The following MPPED1 variants were observed in gnomAD, a reference collection of about 807,000 sequenced individuals.
The protein encoded by MPPED1 is metallophosphoesterase domain containing 1.
A neutral mutation model predicts 36.2 loss-of-function variants in MPPED1; 16 were observed. The ratio of observed to expected loss-of-function variants is 0.44; its 90% CI spans 0.30 to 0.67. MPPED1 has a LOEUF of 0.67. MPPED1 is among the 30% of genes least tolerant of loss of function. The probability of loss-of-function intolerance (pLI) is 0.10; values close to 1 mark genes in which losing one functional copy is unlikely to be tolerated. For synonymous variants in MPPED1, 199 were observed against 191.3 expected (o/e 1.04, Z -0.33); for missense variants, 307 against 453.4 (o/e 0.68, Z 2.93).
intron 3 of MPPED1, among the ~76,000 whole-genome samples, chr22:43,438,518 A>G (rs1930041293): frequency 6.6e-6 from 1 of 152,098 alleles, no homozygotes; most frequent in Middle Eastern, 3.4e-3. Context: ...AGGTTTTTGT[A>G]TGGGGATGAC....
chr22:43,479,061 G>C (rs184542860), intron 4 of MPPED1, among the ~76,000 whole-genome samples: 1 of 152,290 alleles, frequency 6.6e-6, no homozygotes, highest in Admixed American at 6.5e-5. Context: ...GGTGTCGAGT[G>C]GGGTGTGGGG....
At chr22:43,431,416 C>A (rs1929683407) in intron 2 of MPPED1, among the ~76,000 whole-genome samples, 1 of 152,148 alleles carries the variant, frequency 6.6e-6, no homozygotes, top group African/African-American at 2.4e-5. Context: ...GATCTTCACA[C>A]CGGTGGCCTC....
intron 4 of MPPED1, among the ~76,000 whole-genome samples, chr22:43,491,566 TGGA>T (rs1459038296): frequency 6.6e-6 from 1 of 150,716 alleles, no homozygotes; most frequent in Non-Finnish European, 1.5e-5. Flanking sequence ...GTGGTAGTGA[TGGA>T]GGTGGTGATG....
intron 4 of MPPED1, among the ~76,000 whole-genome samples, chr22:43,492,513 C>A (rs1166871363): frequency 1.3e-5 from 2 of 152,170 alleles, no homozygotes; most frequent in African/African-American, 4.8e-5. Context: ...AATTGGTGGG[C>A]ACTGCCTGTG....
At chr22:43,446,933 T>C (rs1446745606) in intron 3 of MPPED1, among the ~76,000 whole-genome samples, 1 of 152,132 alleles carries the variant, frequency 6.6e-6, no homozygotes, top group East Asian at 1.9e-4. Flanking sequence ...CCATGAACGA[T>C]GGAGACAGGA....
At chr22:43,431,922 G>A (rs1046941848) in intron 2 of MPPED1, among the ~76,000 whole-genome samples, 9 of 152,222 alleles carry the variant, frequency 5.9e-5, no homozygotes, top group Non-Finnish European at 1.0e-4. Context: ...TCGGGGTGCA[G>A]GGAAATATGA....
At chr22:43,443,932 G>C (rs1930239838) in intron 3 of MPPED1, among the ~76,000 whole-genome samples, 1 of 152,210 alleles carries the variant, frequency 6.6e-6, no homozygotes, top group African/African-American at 2.4e-5. Flanking sequence ...CACATGGCCA[G>C]TGTGATTGAT....
intron 4 of MPPED1, among the ~76,000 whole-genome samples, chr22:43,475,199 C>T (rs985624451): frequency 2.0e-5 from 3 of 152,138 alleles, no homozygotes; most frequent in Non-Finnish European, 4.4e-5. Flanking sequence ...CTATGCTGTA[C>T]TAGCTCACTT....
intron 3 of MPPED1, among the ~76,000 whole-genome samples, chr22:43,469,719 G>A (rs1011315585): frequency 3.9e-5 from 6 of 152,156 alleles, no homozygotes; most frequent in African/African-American, 1.4e-4. Context: ...GCCCTGCCAG[G>A]GACAGTTGGA....
At chr22:43,454,934 T>C (rs948527580) in intron 3 of MPPED1, among the ~76,000 whole-genome samples, 1 of 152,162 alleles carries the variant, frequency 6.6e-6, no homozygotes, top group Admixed American at 6.5e-5. Flanking sequence ...TCCCTGACCA[T>C]GTACCAGAGA....
intron 3 of MPPED1, among the ~76,000 whole-genome samples, chr22:43,471,560 G>T (rs1288586446): frequency 3.3e-5 from 5 of 152,204 alleles, no homozygotes; most frequent in Non-Finnish European, 7.3e-5. Context: ...GTGCTCTAGG[G>T]AAATGAGATC....
chr22:43,470,345 G>A (rs1161317240), intron 3 of MPPED1, among the ~76,000 whole-genome samples: 1 of 151,286 alleles, frequency 6.6e-6, no homozygotes, highest in East Asian at 2.0e-4. Flanking sequence ...ATCCATCCAT[G>A]TATGCATCTA....
chr22:43,453,230 A>G (rs564588675), intron 3 of MPPED1, among the ~76,000 whole-genome samples: 65 of 152,268 alleles, frequency 4.3e-4, no homozygotes, highest in African/African-American at 1.2e-3. Flanking sequence ...GATTACAGGC[A>G]TCAGCCACTG....
intron 3 of MPPED1, among the ~76,000 whole-genome samples, chr22:43,440,153 A>C (rs1344349540): frequency 6.6e-6 from 1 of 152,260 alleles, no homozygotes; most frequent in Non-Finnish European, 1.5e-5. Context: ...TCAGCTGGCC[A>C]TGGTGACCCC....
chr22:43,495,812 G>A (rs1294936043), intron 4 of MPPED1, among the ~76,000 whole-genome samples: 2 of 64,156 alleles, frequency 3.1e-5, no homozygotes, highest in Non-Finnish European at 2.8e-5. Flanking sequence ...GGTGGTGGTG[G>A]TGGAGGTGGT....
At chr22:43,443,857 CT>C (rs1469712436) in intron 3 of MPPED1, among the ~76,000 whole-genome samples, 1 of 152,112 alleles carries the variant, frequency 6.6e-6, no homozygotes, top group Admixed American at 6.5e-5. Context: ...ACTCTGGAGC[CT>C]CTTGTCACCT....
At chr22:43,499,936 A>T (rs966955093) in intron 5 of MPPED1, among the ~76,000 whole-genome samples, 227 of 9,306 alleles carry the variant, frequency 0.024, no homozygotes, top group African/African-American at 0.14. Flanking sequence ...GTGATGGTGG[A>T]GGTGGTGGTG....
chr22:43,412,430 A>G (rs1174875793), intron 1 of MPPED1, among the ~76,000 whole-genome samples: 3 of 152,078 alleles, frequency 2.0e-5, no homozygotes, highest in African/African-American at 7.2e-5. Context: ...CTTGCTCGCC[A>G]GTCGCTGCTG....
chr22:43,471,146 A>C (rs564193303), intron 3 of MPPED1, among the ~76,000 whole-genome samples: 16 of 152,368 alleles, frequency 1.1e-4, no homozygotes, highest in African/African-American at 3.6e-4. Flanking sequence ...GAAATAAATG[A>C]AACTGTACAG....
Sources: allele counts gnomAD v4.1 joint callset (sites outside exome capture counted in the v4.1 genomes callset), GRCh38; gene constraint gnomAD v4.1.1; transcripts MANE v1.5; gene names NCBI Gene and HGNC (gene_info 2026-07-23, HGNC 2026-07-21).